The following TNR variants were observed in gnomAD, a reference collection of about 807,000 sequenced individuals.
TNR encodes the protein tenascin-R.
A neutral mutation model predicts 150.4 loss-of-function variants in TNR; 45 were observed. The observed-to-expected ratio is 0.30, with a 90% CI of 0.24 to 0.38. The LOEUF (loss-of-function observed/expected upper bound fraction) is 0.38, where lower values mean the gene tolerates loss of function less well. Ranked by LOEUF, TNR falls within the 10% of genes least tolerant of loss-of-function variation. TNR has a pLI of 1.00. For missense variants in TNR, 1,544 were observed against 1,759.1 expected (o/e 0.88, Z 2.19); for synonymous variants, 687 against 678.4 (o/e 1.01, Z -0.20).
rs138779011 is a variant in TNR, at chr1:175,459,081, C to T, written c.-63-52304G>A. On this transcript the variant is annotated intron_variant, in intron 2 of 22. Coordinates refer to ENST00000367674, the MANE Select transcript of TNR (RefSeq NM_003285.3). Reference sequence around the variant, plus strand: ...ATGACCACCACCATCATCACCTCTACTATCATTACTAATACCACCAATATT... The same window carrying T: ...ATGACCACCACCATCATCACCTCTATTATCATTACTAATACCACCAATATT... 5.4e-3 allele frequency among the ~76,000 whole-genome samples: 817 copies of T among 152,108 alleles called. 3 individuals carry two copies. The highest frequency in any genetic ancestry group is 8.5e-3 in the Non-Finnish European group (577 of 67,998).
intron 1 of TNR, among the ~76,000 whole-genome samples, chr1:175,714,152 C>G (rs993937605): frequency 1.3e-5 from 2 of 151,830 alleles, no homozygotes; most frequent in African/African-American, 4.8e-5. Flanking sequence ...TCTGGCCCAC[C>G]TGGGTGCCCT....
At chr1:175,413,167 A>C (rs1388777397) in intron 2 of TNR, among the ~76,000 whole-genome samples, 1 of 152,172 alleles carries the variant, frequency 6.6e-6, no homozygotes, top group Non-Finnish European at 1.5e-5. Context: ...CTGGGATTAT[A>C]GGCGTGTGCC....
intron 2 of TNR, among the ~76,000 whole-genome samples, chr1:175,431,911 A>ATCTCTCTCTCTCTCTCTCTCCT (rs1553221255): frequency 8.6e-4 from 118 of 136,460 alleles, no homozygotes; most frequent in South Asian, 3.4e-3. Context: ...GGACCATAAT[A>ATCTCTCTCTCTCTCTCTCTCCT]TCTCTCTCTC....
rs1663214874 is a variant in TNR at position 175,601,067 on chromosome 1, T to C, written c.-164-72698A>G. ...TGATATTGTAGTTTCAACATATTTA[T>C]ACAGATTTATATGTGTGCCAAAATA... On this transcript the variant is annotated intron_variant, in intron 1 of 22. Transcript: ENST00000367674. 2.0e-5 allele frequency among the ~76,000 whole-genome samples: 3 copies of C among 152,240 alleles called. No homozygotes were observed. The South Asian group carries it at 6.2e-4, about 31-fold the overall frequency.
intron 2 of TNR, among the ~76,000 whole-genome samples, chr1:175,438,943 T>A (rs927952859): frequency 1.1e-4 from 17 of 152,114 alleles, no homozygotes; most frequent in Non-Finnish European, 1.9e-4. Context: ...AAAATGGCCA[T>A]ACTGCCCAAG....
chr1:175,457,762 T>C (rs1239341835), intron 2 of TNR, among the ~76,000 whole-genome samples: 1 of 152,260 alleles, frequency 6.6e-6, no homozygotes, highest in Admixed American at 6.5e-5. Flanking sequence ...ATTCAATAGC[T>C]ATAATTTGTA....
chr1:175,374,490 G>A (rs770838374), intron 9 of TNR, among the ~76,000 whole-genome samples: 9 of 152,170 alleles, frequency 5.9e-5, no homozygotes, highest in Non-Finnish European at 1.0e-4. Flanking sequence ...ATGTGCATGT[G>A]AGTGTGCATA....
chr1:175,470,394 G>C (rs1657237113), intron 2 of TNR, among the ~76,000 whole-genome samples: 1 of 152,186 alleles, frequency 6.6e-6, no homozygotes, highest in African/African-American at 2.4e-5. Context: ...GAGGTCGAAA[G>C]AGAATCCACC....
At chr1:175,487,562 C>T (rs1654512171) in intron 2 of TNR, among the ~76,000 whole-genome samples, 2 of 152,190 alleles carry the variant, frequency 1.3e-5, no homozygotes. Context: ...GCCAATCATC[C>T]TCCCCTCAAA....
intron 1 of TNR, among the ~76,000 whole-genome samples, chr1:175,716,804 C>A (rs1390364457): frequency 1.3e-5 from 2 of 152,214 alleles, no homozygotes; most frequent in Non-Finnish European, 2.9e-5. Flanking sequence ...AAGACCACTG[C>A]TCTAGCCAAT....
rs1475037133 is a variant in TNR, at chr1:175,341,516, G to A, written c.3383-3837C>T. ...TTGCTCTGAAATTGGTTTGTTTTGG[G>A]AAGTGGAGGCTGAATGCTGAGTGGA... is the stretch of plus-strand genomic sequence containing the variant. On this transcript the variant is annotated intron_variant, in intron 18 of 22. Transcript: ENST00000367674. Among the ~76,000 whole-genome samples the A allele has an allele frequency of 2.6e-5, 4 of 152,312 alleles. No homozygotes were observed. The East Asian group carries it at 7.7e-4, about 29-fold the overall frequency.
intron 1 of TNR, among the ~76,000 whole-genome samples, chr1:175,725,687 C>T (rs552857812): frequency 2.2e-4 from 34 of 152,218 alleles, no homozygotes; most frequent in African/African-American, 7.9e-4. Context: ...AAGAGAAAGA[C>T]GAAGACAGTT....
intron 18 of TNR, among the ~76,000 whole-genome samples, chr1:175,340,357 A>G (rs78924085): frequency 2.7e-3 from 414 of 152,332 alleles, no homozygotes; most frequent in African/African-American, 9.5e-3. Context: ...AGTCAGTGGC[A>G]TTAATGTAAA....
chr1:175,420,628 A>ATTTG (rs1255636929), intron 2 of TNR, among the ~76,000 whole-genome samples: 1 of 152,240 alleles, frequency 6.6e-6, no homozygotes, highest in Non-Finnish European at 1.5e-5. Context: ...ATGAGTCAGA[A>ATTTG]TAACAGAACA....
chr1:175,594,857 T>TA (rs1174868287), intron 1 of TNR, among the ~76,000 whole-genome samples: 4,154 of 102,984 alleles, frequency 0.04, 180 homozygotes, highest in African/African-American at 0.11. Context: ...ACCTTGTTTC[T>TA]AAAAAAAAAA....
At chr1:175,729,414 CCT>C (rs10655316) in intron 1 of TNR, among the ~76,000 whole-genome samples, 419 of 147,790 alleles carry the variant, frequency 2.8e-3, no homozygotes, top group Admixed American at 3.0e-3. Flanking sequence ...TGGTGTAAGG[CCT>C]CTCTCTCTCT....
intron 6 of TNR, among the ~76,000 whole-genome samples, chr1:175,392,366 G>A (rs1471040933): frequency 6.6e-6 from 1 of 152,148 alleles, no homozygotes; most frequent in Non-Finnish European, 1.5e-5. Flanking sequence ...ATAAATCAGT[G>A]TGATGAATGC....
Position 175,716,303 on chromosome 1 carries a change from T to A in TNR, c.-165+26923A>T, listed in dbSNP as rs140297410. Among the ~76,000 whole-genome samples the A allele has an allele frequency of 5.7e-3, 872 of 152,324 alleles. 13 individuals carry two copies. Among genetic ancestry groups the A allele is most frequent in the African/African-American group, 0.02 (822 of 41,578 alleles). ...CCACTTGACTTGCTGGGCATTCCTG[T>A]CTGATGGCCTAATAATCATTGCCTT... On this transcript the variant is annotated intron_variant, in intron 1 of 22. Coordinates refer to ENST00000367674, the MANE Select transcript of TNR (RefSeq NM_003285.3).
In TNR at chr1:175,362,669, G is replaced by C. The variant is rs1306336524; in HGVS notation, c.2848C>G (p.His950Asp). 6.2e-7 allele frequency: 1 copy of C among 1,613,766 alleles called. No individual in the cohort carries two copies. The highest frequency in any genetic ancestry group is 8.5e-7 in the Non-Finnish European group (1 of 1,179,830). ...EESERICTLV[H>D]TAMDNPVDLI... ...AGCAGGGAGACATTCCCACCTGTGTGCACAAGAGTACAGATGCGCTCGCTT... is the reference window on the plus strand; with the variant it reads ...AGCAGGGAGACATTCCCACCTGTGTCCACAAGAGTACAGATGCGCTCGCTT... Residue 950 changes from histidine (H) to aspartate (D), a missense_variant, in exon 14 of 23, where the codon CAC becomes GAC. This residue lies in a region of TNR where 1,254 missense variants were observed against 1,329.4 expected (regional missense o/e 0.94). Transcript: ENST00000367674.
Sources: gnomAD v4.1 joint callset for allele counts (sites outside exome capture counted in the v4.1 genomes callset) on GRCh38, gnomAD v4.1.1 for gene constraint, gnomAD v4.1.1 regional missense constraint, MANE v1.5 for transcripts, NCBI Gene and HGNC (gene_info 2026-07-23, HGNC 2026-07-21) for gene names.